LAMA4: variants seen among roughly 807,000 people sequenced by gnomAD.
The protein encoded by LAMA4 is laminin subunit alpha 4.
In LAMA4, 127 loss-of-function variants were observed where a neutral mutation model predicts 207.1. The observed-to-expected ratio is 0.61, with a 90% CI of 0.53 to 0.71. The LOEUF (loss-of-function observed/expected upper bound fraction) is 0.71. LAMA4 is among the 30% of genes least tolerant of loss of function. The pLI, the probability that LAMA4 is intolerant of heterozygous loss-of-function variation, is 0.00. For synonymous variants in LAMA4, 761 were observed against 816.0 expected (o/e 0.93, Z 1.15); for missense variants, 2,093 against 2,246.5 (o/e 0.93, Z 1.38).
intron 38 of LAMA4, among the ~76,000 whole-genome samples, chr6:112,113,376 C>T (rs1409675958): frequency 6.6e-6 from 1 of 152,310 alleles, no homozygotes; most frequent in East Asian, 1.9e-4. Flanking sequence ...AATCCCACTC[C>T]CCAGCCATAG....
At chr6:112,225,101 T>C (rs781215153) in intron 2 of LAMA4, among the ~76,000 whole-genome samples, 1 of 152,154 alleles carries the variant, frequency 6.6e-6, no homozygotes, top group African/African-American at 2.4e-5. Flanking sequence ...AATTTGTGGA[T>C]GATGTTAATC....
chr6:112,129,787 A>G (rs1343974659), intron 30 of LAMA4, 89 bp downstream of exon 30: 11 of 1,070,982 alleles, frequency 1.0e-5, no homozygotes, highest in South Asian at 1.4e-5. Flanking sequence ...CCTCAGATAC[A>G]TTTCATAGTT....
intron 13 of LAMA4, among the ~76,000 whole-genome samples, chr6:112,160,443 AAAACAAAC>A (rs71553355): frequency 0.038 from 5,705 of 151,864 alleles, 323 homozygotes; most frequent in African/African-American, 0.11. Context: ...GTCAAAAAAC[AAAACAAAC>A]AAACAAACAA....
At chr6:112,120,543 A>G in intron 32 of LAMA4, 71 bp from the exon 33 acceptor site, 2 of 1,176,666 alleles carry the variant, frequency 1.7e-6, no homozygotes, top group Non-Finnish European at 2.5e-6. Context: ...TTCTTAAAAT[A>G]ATACAGTGTA....
chr6:112,208,545 G>A (rs1405713268), intron 3 of LAMA4, among the ~76,000 whole-genome samples: 2 of 152,178 alleles, frequency 1.3e-5, no homozygotes, highest in Non-Finnish European at 2.9e-5. Context: ...GGTGTCAAAA[G>A]TGAGATTCAA....
chr6:112,189,052 C>T, intron 7 of LAMA4, 58 bp downstream of exon 7: 1 of 1,267,626 alleles, frequency 7.9e-7, no homozygotes, highest in Non-Finnish European at 1.2e-6. Flanking sequence ...TTCTTAATCC[C>T]ACACCTGCAG....
intron 10 of LAMA4, 54 bp from the exon 11 acceptor site, chr6:112,175,534 A>C: frequency 3.2e-6 from 5 of 1,582,364 alleles, no homozygotes; most frequent in Non-Finnish European, 4.3e-6. Flanking sequence ...ACCAGGCACT[A>C]GAAATGCAAG....
intron 2 of LAMA4, among the ~76,000 whole-genome samples, chr6:112,227,211 C>G (rs1309444891): frequency 6.6e-6 from 1 of 152,076 alleles, no homozygotes; most frequent in Non-Finnish European, 1.5e-5. Flanking sequence ...GCTGGGATTA[C>G]AGGCACCTGC....
intron 2 of LAMA4, among the ~76,000 whole-genome samples, chr6:112,221,291 T>C (rs1248914434): frequency 6.6e-6 from 1 of 152,176 alleles, no homozygotes; most frequent in African/African-American, 2.4e-5. Flanking sequence ...TAGGAGCTGA[T>C]TGGAATAGTT....
At position 112,175,476 on chromosome 6, in the gene LAMA4, G is replaced by A; in HGVS notation, c.1194C>T (p.Ile398=). The change falls in exon 11 of 39, where the codon ATC becomes ATT. Residue 398 remains isoleucine (I), a synonymous_variant. Transcript: ENST00000230538. ...CCCCATAATAGAGCATCTTGTTGTT[G>A]ATCTCTGAAAGGAAGAACATGGTGA... ...AHDMRDKIQE[I]NNKMLYYGEE... The A allele has an allele frequency of 1.2e-6, 2 of 1,614,120 alleles. No individual in the cohort carries two copies. Among genetic ancestry groups the A allele is most frequent in the South Asian group, 2.2e-5 (2 of 91,080 alleles).
At chr6:112,254,337 C>T (rs1787708764) in intron 1 of LAMA4, 46 bp from the exon 2 acceptor site, 1 of 643,908 alleles carries the variant, frequency 1.6e-6, no homozygotes, top group South Asian at 1.9e-5. Flanking sequence ...GAGTTCCAGC[C>T]TCTCTCTCCC....
rs1194592878 is a variant in LAMA4 at position 112,189,093 on chromosome 6, T to G, written c.814+17A>C. On this transcript the variant is annotated intron_variant, in intron 7 of 38. Coordinates refer to ENST00000230538, the MANE Select transcript of LAMA4 (RefSeq NM_001105206.3). ...TAGAGAAAGTGGGGTTAGTCAATCA[T>G]GTACTGTTATTTTTACTTATGGTTG... 11 of 1,553,780 alleles carry G rather than the reference T, an allele frequency of 7.1e-6. No individual in the cohort carries two copies. The highest frequency in any genetic ancestry group is 8.9e-6 in the Non-Finnish European group (10 of 1,125,354).
intron 2 of LAMA4, among the ~76,000 whole-genome samples, chr6:112,237,242 T>C (rs989791669): frequency 6.6e-6 from 1 of 152,194 alleles, no homozygotes; most frequent in Non-Finnish European, 1.5e-5. Flanking sequence ...TAGCTCATGT[T>C]TGGAGCTATT....
At chr6:112,172,577 G>A (rs782290360) in intron 12 of LAMA4, 34 bp downstream of exon 12, 8 of 1,603,854 alleles carry the variant, frequency 5.0e-6, no homozygotes, top group Non-Finnish European at 6.8e-6. Context: ...CACTGCTGAT[G>A]CTGAAATGCA....
At chr6:112,242,307 T>C (rs1406734284) in intron 2 of LAMA4, among the ~76,000 whole-genome samples, 1 of 152,190 alleles carries the variant, frequency 6.6e-6, no homozygotes. Context: ...TTGAGGCTTG[T>C]GTTTTATTCT....
At chr6:112,201,537 G>T in intron 5 of LAMA4, 71 bp downstream of exon 5, 1 of 1,214,182 alleles carries the variant, frequency 8.2e-7, no homozygotes, top group Non-Finnish European at 1.2e-6. Flanking sequence ...GAGTATGGCA[G>T]AGCTGTTGAG....
At chr6:112,158,562 AACC>A (rs1780862914) in intron 14 of LAMA4, among the ~76,000 whole-genome samples, 167 bp downstream of exon 14, 3 of 151,960 alleles carry the variant, frequency 2.0e-5, no homozygotes, top group Admixed American at 6.6e-5. Context: ...CCAACCAACC[AACC>A]AAGCAACCAA....
intron 31 of LAMA4, 40 bp downstream of exon 31, chr6:112,128,882 A>G (rs1583660527): frequency 1.3e-6 from 2 of 1,581,330 alleles, no homozygotes; most frequent in Non-Finnish European, 1.7e-6. Flanking sequence ...TGCATGGAAA[A>G]TGATGACAAT....
At chr6:112,234,144 C>G (rs1224514711) in intron 2 of LAMA4, 1 of 151,868 alleles carries the variant, frequency 6.6e-6, no homozygotes, top group Non-Finnish European at 1.5e-5. Flanking sequence ...CGTCATTCAA[C>G]TATAAAAACA....
Sources: allele counts gnomAD v4.1 joint callset (sites outside exome capture counted in the v4.1 genomes callset), GRCh38; gene constraint gnomAD v4.1.1; transcripts MANE v1.5; gene names NCBI Gene and HGNC (gene_info 2026-07-23, HGNC 2026-07-21).